DPYD: variants seen among roughly 807,000 people sequenced by gnomAD.
The protein encoded by DPYD is dihydropyrimidine dehydrogenase [NADP(+)].
DPYD carries 109 observed loss-of-function variants against 116.2 expected under a neutral mutation model. The ratio of observed to expected loss-of-function variants is 0.94; its 90% CI spans 0.80 to 1.10. DPYD has a LOEUF of 1.10. Among genes scored for constraint, DPYD ranks in the 50% least tolerant of loss-of-function variants. DPYD has a pLI of 0.00. For missense variants in DPYD, 1,302 were observed against 1,254.5 expected, an observed-to-expected ratio of 1.04 and a Z score of -0.57; for synonymous variants, 440 against 432.0, an observed-to-expected ratio of 1.02 and a Z score of -0.23.
intron 2 of DPYD, among the ~76,000 whole-genome samples, chr1:97,829,237 G>T (rs1342387215): frequency 6.6e-6 from 1 of 151,732 alleles, no homozygotes; most frequent in African/African-American, 2.4e-5. Flanking sequence ...CAAAATTACA[G>T]AAATTATATT....
chr1:97,619,336 T>C (rs1422959823), intron 8 of DPYD, among the ~76,000 whole-genome samples: 1 of 152,202 alleles, frequency 6.6e-6, no homozygotes, highest in Non-Finnish European at 1.5e-5. Flanking sequence ...TACTAGCTTA[T>C]GATCAAAATG....
chr1:97,536,713 G>C (rs1163667405), intron 12 of DPYD, among the ~76,000 whole-genome samples: 1 of 152,098 alleles, frequency 6.6e-6, no homozygotes, highest in African/African-American at 2.4e-5. Context: ...CCAAATTATA[G>C]CCTTTTCTCT....
chr1:97,452,037 T>C (rs1557721741), intron 13 of DPYD, among the ~76,000 whole-genome samples: 1 of 152,164 alleles, frequency 6.6e-6, no homozygotes, highest in Non-Finnish European at 1.5e-5. Context: ...CTGGTTTTGA[T>C]GACCATTTTT....
chr1:97,509,433 G>C (rs766018694), intron 13 of DPYD, among the ~76,000 whole-genome samples: 1 of 151,930 alleles, frequency 6.6e-6, no homozygotes, highest in Non-Finnish European at 1.5e-5. Context: ...AAAGTGGCCT[G>C]TATTATGTGG....
At chr1:97,670,146 A>C (rs1008523296) in intron 8 of DPYD, among the ~76,000 whole-genome samples, 1 of 152,190 alleles carries the variant, frequency 6.6e-6, no homozygotes, top group African/African-American at 2.4e-5. Context: ...CTTCTTGACA[A>C]TATCCACTAT....
At chr1:97,557,729 A>G (rs1219570037) in intron 11 of DPYD, among the ~76,000 whole-genome samples, 1 of 152,150 alleles carries the variant, frequency 6.6e-6, no homozygotes, top group Non-Finnish European at 1.5e-5. Flanking sequence ...CAATCCATCC[A>G]ATGAAAATTT....
At chr1:97,242,469 G>C (rs1034099536) in intron 18 of DPYD, among the ~76,000 whole-genome samples, 7 of 151,382 alleles carry the variant, frequency 4.6e-5, no homozygotes, top group Admixed American at 3.3e-4. Flanking sequence ...ATTACATTTA[G>C]TATGTGTGCA....
At chr1:97,257,853 T>C (rs1663606895) in intron 18 of DPYD, among the ~76,000 whole-genome samples, 2 of 152,088 alleles carry the variant, frequency 1.3e-5, no homozygotes, top group African/African-American at 4.8e-5. Flanking sequence ...TAAATGAATA[T>C]ATAAATAACT....
At chr1:97,235,804 C>CT (rs1376021867) in intron 18 of DPYD, among the ~76,000 whole-genome samples, 2 of 151,840 alleles carry the variant, frequency 1.3e-5, no homozygotes, top group Non-Finnish European at 2.9e-5. Flanking sequence ...TTCCATGTTG[C>CT]TTTTTATATG....
chr1:97,870,698 G>T (rs765025674), intron 2 of DPYD, among the ~76,000 whole-genome samples: 1 of 151,758 alleles, frequency 6.6e-6, no homozygotes, highest in East Asian at 1.9e-4. Flanking sequence ...CTTTATTTAA[G>T]GAAATCAGTT....
At chr1:97,672,700 AC>A (rs1015666176) in intron 8 of DPYD, among the ~76,000 whole-genome samples, 1 of 152,198 alleles carries the variant, frequency 6.6e-6, no homozygotes, top group Non-Finnish European at 1.5e-5. Flanking sequence ...GAAAGTATAC[AC>A]AACTATGTAC....
chr1:97,356,017 TA>T (rs1197275956), intron 16 of DPYD, among the ~76,000 whole-genome samples: 3 of 152,318 alleles, frequency 2.0e-5, no homozygotes, highest in Non-Finnish European at 4.4e-5. Context: ...GATGTTTCCA[TA>T]AAAAGTATAC....
intron 14 of DPYD, among the ~76,000 whole-genome samples, chr1:97,411,375 CAT>C (rs1264795655): frequency 1.3e-5 from 2 of 152,074 alleles, no homozygotes; most frequent in East Asian, 3.9e-4. Flanking sequence ...CCCACTTTAT[CAT>C]ATTCCATCCT....
chr1:97,270,548 C>T (rs1024823957), intron 18 of DPYD, among the ~76,000 whole-genome samples: 4 of 152,152 alleles, frequency 2.6e-5, no homozygotes, highest in Non-Finnish European at 4.4e-5. Flanking sequence ...GGCTGGTAAG[C>T]TCTGCTGCAA....
At chr1:97,426,725 A>G (rs1674886425) in intron 14 of DPYD, among the ~76,000 whole-genome samples, 1 of 152,084 alleles carries the variant, frequency 6.6e-6, no homozygotes, top group South Asian at 2.1e-4. Context: ...TAGATATTTT[A>G]GTAAAGGCAA....
intron 2 of DPYD, among the ~76,000 whole-genome samples, chr1:97,843,613 T>G (rs1034517801): frequency 6.6e-6 from 1 of 152,208 alleles, no homozygotes; most frequent in African/African-American, 2.4e-5. Context: ...CTGACCTTGT[T>G]TGATGGAATA....
At chr1:97,668,989 C>A (rs368659975) in intron 8 of DPYD, among the ~76,000 whole-genome samples, 1 of 151,936 alleles carries the variant, frequency 6.6e-6, no homozygotes, top group Non-Finnish European at 1.5e-5. Context: ...ATATCTTAAT[C>A]TCCAAATTTA....
At chr1:97,779,584 C>A (rs1403470744) in intron 3 of DPYD, among the ~76,000 whole-genome samples, 1 of 152,048 alleles carries the variant, frequency 6.6e-6, no homozygotes, top group South Asian at 2.1e-4. Context: ...CTGATTTATT[C>A]TTCTCTATGG....
chr1:97,086,887 C>T (rs1649559885), intron 21 of DPYD, among the ~76,000 whole-genome samples: 1 of 152,132 alleles, frequency 6.6e-6, no homozygotes, highest in Non-Finnish European at 1.5e-5. Flanking sequence ...GACTTCTAAC[C>T]CAAAAACATT....
Sources: allele counts gnomAD v4.1 joint callset (sites outside exome capture counted in the v4.1 genomes callset), GRCh38; gene constraint gnomAD v4.1.1; transcripts MANE v1.5; gene names NCBI Gene and HGNC (gene_info 2026-07-23, HGNC 2026-07-21).